Variants in ITIH5 observed in about 807,000 individuals in gnomAD.
ITIH5 encodes inter-alpha-trypsin inhibitor heavy chain 5.
ITIH5 carries 65 observed loss-of-function variants against 77.5 expected under a neutral mutation model. The ratio of observed to expected loss-of-function variants is 0.84; its 90% CI spans 0.69 to 1.03. ITIH5 has a LOEUF of 1.03. ITIH5 is among the 50% of genes least tolerant of loss of function. ITIH5 has a pLI of 0.00. For synonymous variants in ITIH5, 525 were observed against 494.3 expected, an observed-to-expected ratio of 1.06 and a Z score of -0.82; for missense variants, 1,208 against 1,213.1, an observed-to-expected ratio of 1.00 and a Z score of 0.06.
intron 7 of ITIH5, among the ~76,000 whole-genome samples, chr10:7,586,431 C>A (rs187971263): frequency 1.3e-5 from 2 of 152,202 alleles, no homozygotes; most frequent in African/African-American, 4.8e-5. Flanking sequence ...GGCAAGTGTG[C>A]AAATTCTCTG....
intron 7 of ITIH5, among the ~76,000 whole-genome samples, chr10:7,613,405 GA>G (rs1188371430): frequency 6.6e-6 from 1 of 152,128 alleles, no homozygotes; most frequent in Non-Finnish European, 1.5e-5. Flanking sequence ...AAAACTTTGG[GA>G]AAAACTTTGG....
At chr10:7,660,277 G>A (rs1442343470) in intron 1 of ITIH5, among the ~76,000 whole-genome samples, 5 of 152,384 alleles carry the variant, frequency 3.3e-5, no homozygotes, top group Non-Finnish European at 7.3e-5. Flanking sequence ...TTGAGTGACC[G>A]TGAAAGGCTT....
At chr10:7,618,640 T>G (rs1041339483) in intron 5 of ITIH5, 1 of 152,234 alleles carries the variant, frequency 6.6e-6, no homozygotes, top group African/African-American at 2.4e-5. Context: ...AAAGCCAGAC[T>G]TAAAACTGCT....
intron 5 of ITIH5, among the ~76,000 whole-genome samples, chr10:7,627,551 A>G (rs1833604554): frequency 6.6e-6 from 1 of 152,158 alleles, no homozygotes; most frequent in Admixed American, 6.5e-5. Context: ...CTTCTTTCCA[A>G]TGACGCTTCC....
intron 8 of ITIH5, among the ~76,000 whole-genome samples, chr10:7,580,321 TG>T (rs1459662251): frequency 4.6e-5 from 7 of 152,126 alleles, no homozygotes; most frequent in African/African-American, 1.4e-4. Context: ...GGATTGACCA[TG>T]TTGGCCAGGC....
chr10:7,583,333 TTTTG>T (rs369046039), intron 8 of ITIH5, among the ~76,000 whole-genome samples: 13 of 152,290 alleles, frequency 8.5e-5, no homozygotes, highest in Admixed American at 4.6e-4. Flanking sequence ...TTTGCCTTTC[TTTTG>T]TTTGTTTGTT....
At chr10:7,571,082 G>A (rs1477062035) in intron 11 of ITIH5, among the ~76,000 whole-genome samples, 4 of 152,214 alleles carry the variant, frequency 2.6e-5, no homozygotes, top group African/African-American at 9.7e-5. Context: ...TTCTGCCCCA[G>A]CATCCCTGAC....
intron 5 of ITIH5, among the ~76,000 whole-genome samples, chr10:7,627,681 A>T (rs1166515804): frequency 6.6e-6 from 1 of 152,132 alleles, no homozygotes. Context: ...CTTCCCACAC[A>T]TGTGAAGCAC....
chr10:7,648,724 C>T (rs897860651), intron 2 of ITIH5, among the ~76,000 whole-genome samples: 1 of 152,012 alleles, frequency 6.6e-6, no homozygotes, highest in Non-Finnish European at 1.5e-5. Flanking sequence ...GTGATTTGTT[C>T]TTATTTATGA....
intron 1 of ITIH5, among the ~76,000 whole-genome samples, chr10:7,666,405 T>C (rs1428125009): frequency 2.0e-5 from 3 of 152,060 alleles, no homozygotes; most frequent in Non-Finnish European, 4.4e-5. Context: ...ACTCCTCTCA[T>C]ATTGCCTTTC....
At chr10:7,612,658 GTTT>G (rs71383926) in intron 7 of ITIH5, among the ~76,000 whole-genome samples, 2 of 136,986 alleles carry the variant, frequency 1.5e-5, no homozygotes, top group Admixed American at 7.4e-5. Flanking sequence ...AAAAAGCTGT[GTTT>G]TTTTTTTTTT....
Position 7,585,955 on chromosome 10 carries a change from G to C in ITIH5, c.1054C>G (p.Pro352Ala). 2 of 1,614,100 alleles carry C rather than the reference G, an allele frequency of 1.2e-6. No homozygotes were observed. The highest frequency in any genetic ancestry group is 1.7e-6 in the Non-Finnish European group (2 of 1,180,012). The change falls in exon 8 of 14, where the codon CCA becomes GCA. Residue 352 changes from proline (P) to alanine (A), a missense_variant. Transcript: ENST00000397146. ...ACTTTCCCATCCCTGATGCTGTCTGGAGTGACTGATATCAAGTGGTCCTTC... is the reference window on the plus strand; with the variant it reads ...ACTTTCCCATCCCTGATGCTGTCTGCAGTGACTGATATCAAGTGGTCCTTC... ...VWKDHLISVT[P>A]DSIRDGKVYI...
In ITIH5 at chr10:7,644,625, A is replaced by ATATATAT. The variant is rs1389151972; in HGVS notation, c.136-2536_136-2535insATATATA. ...ATATCACATATATCACATATATATC[A>ATATATAT]CATATATCACATATATATCATATAT... On this transcript the variant is annotated intron_variant, in intron 2 of 13. Transcript: ENST00000397146. Among the ~76,000 whole-genome samples, 55 of 97,538 alleles carry ATATATAT rather than the reference A, an allele frequency of 5.6e-4. 1 individual carries two copies. In the East Asian group the frequency reaches 0.016, roughly 29 times the overall value. 64.0% of individuals were successfully genotyped at this position (97,538 alleles called of 152,430 possible).
intron 7 of ITIH5, among the ~76,000 whole-genome samples, chr10:7,609,042 GA>G (rs1193775890): frequency 1.3e-5 from 2 of 152,190 alleles, no homozygotes; most frequent in Admixed American, 1.3e-4. Context: ...ACGTTACAGA[GA>G]AGTGGTTTAG....
rs534720238 is a variant in ITIH5 at position 7,591,187 on chromosome 10, G to T, written c.940-5118C>A. Among the ~76,000 whole-genome samples, 7 of 152,328 alleles carry T rather than the reference G, an allele frequency of 4.6e-5. No homozygotes were observed. In the South Asian group the frequency reaches 1.0e-3, roughly 23 times the overall value. On this transcript the variant is annotated intron_variant, in intron 7 of 13. Transcript: ENST00000397146. ...TGGGATTACAGGCGTGAGCCACTGT[G>T]CCTGGCCTAATGTCTCTTTTTGGAT...
intron 5 of ITIH5, among the ~76,000 whole-genome samples, chr10:7,633,254 T>C (rs919011593): frequency 6.6e-6 from 1 of 152,220 alleles, no homozygotes; most frequent in Non-Finnish European, 1.5e-5. Flanking sequence ...ACCACGTACC[T>C]GTGTTAACTA....
intron 2 of ITIH5, among the ~76,000 whole-genome samples, chr10:7,645,816 A>G (rs1361137198): frequency 6.6e-6 from 1 of 152,228 alleles, no homozygotes; most frequent in Non-Finnish European, 1.5e-5. Context: ...CTGTTAAATG[A>G]TCTCATTAAA....
chr10:7,580,027 C>G lies in ITIH5; in HGVS notation c.1146G>C (p.Arg382Ser). The G allele has an allele frequency of 6.2e-7, 1 of 1,611,886 alleles. No individual in the cohort carries two copies. The highest frequency in any genetic ancestry group is 1.1e-5 in the South Asian group (1 of 90,774). Reference protein sequence around the residue: ...DINGALQRAIRLLNKYVAHSG... With the variant: ...DINGALQRAISLLNKYVAHSG... ...TGTGGGCCACGTACTTGTTGAGGAG[C>G]CTGATGGCCCTCTGCAGGGCCCCGT... Residue 382 changes from arginine to serine, a missense_variant, in exon 9 of 14, where the codon AGG becomes AGC. Coordinates refer to ENST00000397146, the MANE Select transcript of ITIH5 (RefSeq NM_030569.7).
intron 1 of ITIH5, among the ~76,000 whole-genome samples, chr10:7,659,943 G>C (rs1015970444): frequency 5.3e-5 from 8 of 152,142 alleles, no homozygotes; most frequent in African/African-American, 1.9e-4. Context: ...ACGAGGGGTG[G>C]AGTCTGGCTA....
Sources: gnomAD v4.1 joint callset for allele counts (sites outside exome capture counted in the v4.1 genomes callset) on GRCh38, gnomAD v4.1.1 for gene constraint, MANE v1.5 for transcripts, NCBI Gene and HGNC (gene_info 2026-07-23, HGNC 2026-07-21) for gene names.